The following CFAP57 variants were observed in gnomAD, a reference collection of about 807,000 sequenced individuals.
The protein encoded by CFAP57 is cilia and flagella associated protein 57, also known as cilia- and flagella-associated protein 57.
Under a neutral mutation model 146.8 loss-of-function variants are expected in CFAP57, and 116 were observed. The observed-to-expected ratio is 0.79, with a 90% CI of 0.68 to 0.92. The LOEUF is 0.92. Among genes scored for constraint, CFAP57 ranks in the 40% least tolerant of loss-of-function variants. The pLI is 0.00. For missense variants in CFAP57, 1,377 were observed against 1,527.2 expected, an observed-to-expected ratio of 0.90 and a Z score of 1.64; for synonymous variants, 518 against 552.8, an observed-to-expected ratio of 0.94 and a Z score of 0.88.
chr1:43,183,453 G>A (rs187153006), intron 3 of CFAP57, 138 bp from the exon 4 acceptor site: 2 of 796,146 alleles, frequency 2.5e-6, no homozygotes, highest in Middle Eastern at 3.5e-4. Flanking sequence ...ATCAAATGCA[G>A]CATAAAGTTA....
chr1:43,175,347 CAG>C (rs1269617357), intron 2 of CFAP57, among the ~76,000 whole-genome samples: 14 of 151,622 alleles, frequency 9.2e-5, no homozygotes, highest in Admixed American at 6.6e-4. Context: ...CATATAGATA[CAG>C]ACACACACAT....
In CFAP57 at chr1:43,183,748, T is replaced by C. The variant is rs1191164203; in HGVS notation, c.632T>C (p.Ile211Thr). ...LAHTWVADDKIVVGTDTGKLF... is the reference protein window; with the variant it reads ...LAHTWVADDKTVVGTDTGKLF... ...CACACCTGGGTGGCTGATGACAAGA[T>C]TGTCGTTGGCACTGACACAGGCAAA... Residue 211 changes from isoleucine to threonine, a missense_variant, in exon 4 of 23, where the codon ATT (isoleucine) becomes ACT (threonine). Coordinates refer to ENST00000372492, the MANE Select transcript of CFAP57 (RefSeq NM_001378189.1). 27 of 1,614,044 alleles carry C rather than the reference T, an allele frequency of 1.7e-5. No homozygotes were observed. Among genetic ancestry groups the C allele is most frequent in the Non-Finnish European group, 1.8e-5 (21 of 1,180,036 alleles).
At chr1:43,239,795 T>A (rs1645840492) in intron 21 of CFAP57, among the ~76,000 whole-genome samples, 1 of 152,152 alleles carries the variant, frequency 6.6e-6, no homozygotes, top group Non-Finnish European at 1.5e-5. Context: ...CAAGCAAGCT[T>A]CCCCCTGTGG....
intron 5 of CFAP57, among the ~76,000 whole-genome samples, 173 bp downstream of exon 5, chr1:43,185,529 G>A (rs770536512): frequency 6.6e-5 from 10 of 151,898 alleles, no homozygotes; most frequent in Non-Finnish European, 8.8e-5. Context: ...AGGATGAGGT[G>A]AACAGAATTA....
chr1:43,207,876 C>G (rs1044976262), intron 10 of CFAP57, among the ~76,000 whole-genome samples: 6 of 152,226 alleles, frequency 3.9e-5, no homozygotes, highest in Admixed American at 2.0e-4. Context: ...AGTATGGTGA[C>G]TCTCCTGTGT....
At chr1:43,210,389 A>G in intron 11 of CFAP57, 1 of 1,251,338 alleles carries the variant, frequency 8.0e-7, no homozygotes, top group Non-Finnish European at 1.0e-6. Flanking sequence ...ATAAAGTAGT[A>G]TCTATGTTCA....
At position 43,224,054 on chromosome 1, in the gene CFAP57, C is replaced by T; in HGVS notation, c.2715C>T (p.Ser905=). 6.5e-7 allele frequency: 1 copy of T among 1,550,376 alleles called. No homozygotes were observed. Among genetic ancestry groups the T allele is most frequent in the Non-Finnish European group, 8.7e-7 (1 of 1,146,900 alleles). The part of the protein sequence containing the change: ...ETGIMRKKFS[S]LQKEIEERTN... Reference sequence around the variant, plus strand: ...GCTGTTCGCTTTTCTAGTTCAGCAGCCTACAGAAGGAGATTGAAGAACGAA... The same window carrying T: ...GCTGTTCGCTTTTCTAGTTCAGCAGTCTACAGAAGGAGATTGAAGAACGAA... The change falls in exon 17 of 23, where the codon AGC becomes AGT. Residue 905 remains serine, a synonymous_variant. Transcript: ENST00000372492.
intron 5 of CFAP57, among the ~76,000 whole-genome samples, chr1:43,185,594 C>A (rs1234187286): frequency 6.8e-6 from 1 of 147,996 alleles, no homozygotes; most frequent in Admixed American, 7.0e-5. Flanking sequence ...GTAATCCCAG[C>A]ACTTTGGGAG....
chr1:43,183,783 T>C lies in CFAP57; in HGVS notation c.667T>C (p.Phe223Leu). 9 of 1,614,218 alleles carry C rather than the reference T, an allele frequency of 5.6e-6. No homozygotes were observed. The highest frequency in any genetic ancestry group is 7.6e-6 in the Non-Finnish European group (9 of 1,180,032). Residue 223 changes from phenylalanine to leucine, a missense_variant, in exon 4 of 23, where the codon TTT (phenylalanine) becomes CTT (leucine). Transcript: ENST00000372492. The stretch of plus-strand genomic sequence containing the variant: ...CACTGACACAGGCAAACTCTTCCTC[T>C]TTGAATCTGGAGATCAGCGTTGGGA... ...VGTDTGKLFL[F>L]ESGDQRWETS...
intron 17 of CFAP57, among the ~76,000 whole-genome samples, chr1:43,225,838 T>C (rs533323400): frequency 4.4e-4 from 67 of 152,358 alleles, no homozygotes; most frequent in African/African-American, 1.5e-3. Context: ...GATATACTTA[T>C]GTTCTGATTA....
intron 3 of CFAP57, 55 bp from the exon 4 acceptor site, chr1:43,183,536 T>C: frequency 6.7e-7 from 1 of 1,486,544 alleles, no homozygotes; most frequent in Admixed American, 1.7e-5. Context: ...TGGGAAATAA[T>C]TCCATCAAGA....
At chr1:43,186,898 T>A in intron 6 of CFAP57, 39 bp downstream of exon 6, 1 of 1,613,038 alleles carries the variant, frequency 6.2e-7, no homozygotes. Flanking sequence ...GACCAGGACC[T>A]ATCTGCCTGC....
intron 22 of CFAP57, among the ~76,000 whole-genome samples, chr1:43,247,361 A>G (rs766453148): frequency 6.6e-6 from 1 of 152,218 alleles, no homozygotes; most frequent in Non-Finnish European, 1.5e-5. Flanking sequence ...ACACAATTCA[A>G]TATCCTTAAG....
intron 5 of CFAP57, among the ~76,000 whole-genome samples, chr1:43,186,338 G>A (rs754175999): frequency 2.0e-5 from 3 of 151,988 alleles, no homozygotes; most frequent in East Asian, 1.9e-4. Flanking sequence ...TAGGCCGGGC[G>A]CAGTTGCTCA....
chr1:43,233,492 A>G (rs1645557681), intron 19 of CFAP57, among the ~76,000 whole-genome samples: 1 of 152,046 alleles, frequency 6.6e-6, no homozygotes, highest in African/African-American at 2.4e-5. Flanking sequence ...CCGTCTAAAA[A>G]AAAAAAAAAA....
intron 21 of CFAP57, among the ~76,000 whole-genome samples, chr1:43,235,517 G>A (rs1454665876): frequency 2.6e-5 from 4 of 152,194 alleles, no homozygotes; most frequent in African/African-American, 9.7e-5. Context: ...TCCCAGCTTG[G>A]CCAGTTCATA....
chr1:43,187,289 A>G (rs1469622312), intron 6 of CFAP57, among the ~76,000 whole-genome samples: 2 of 152,234 alleles, frequency 1.3e-5, no homozygotes, highest in African/African-American at 4.8e-5. Context: ...TATTAAAGAT[A>G]GAGATCATAT....
intron 8 of CFAP57, 58 bp from the exon 9 acceptor site, chr1:43,199,332 C>T: frequency 2.0e-6 from 3 of 1,532,562 alleles, no homozygotes; most frequent in Non-Finnish European, 2.7e-6. Context: ...TTGACTGTAA[C>T]CTCTAATTAG....
Position 43,253,988 on chromosome 1 carries a change from G to A in CFAP57, c.3550G>A (p.Asp1184Asn). 1 of 1,550,452 alleles carries A rather than the reference G, an allele frequency of 6.4e-7. No individual in the cohort carries two copies. Among genetic ancestry groups the A allele is most frequent in the African/African-American group, 1.4e-5 (1 of 73,122 alleles). Residue 1184 changes from aspartate to asparagine, a missense_variant, in exon 23 of 23, where the codon GAC (aspartate) becomes AAC (asparagine). Transcript: ENST00000372492. Reference sequence around the variant, plus strand: ...GTTGTCTCTTACAGAACCCAGCAGGGACATGCTCAGCACAGCTCCCACCGC... The same window carrying A: ...GTTGTCTCTTACAGAACCCAGCAGGAACATGCTCAGCACAGCTCCCACCGC... The part of the protein sequence containing the change: ...QEVSETEPSR[D>N]MLSTAPTARL...
Sources: gnomAD v4.1 joint callset for allele counts (sites outside exome capture counted in the v4.1 genomes callset) on GRCh38, gnomAD v4.1.1 for gene constraint, MANE v1.5 for transcripts, NCBI Gene and HGNC (gene_info 2026-07-23, HGNC 2026-07-21) for gene names.